The following FRYL variants were observed in gnomAD, a reference collection of about 807,000 sequenced individuals.
The protein encoded by FRYL is protein furry homolog-like.
Under a neutral mutation model 351.2 loss-of-function variants are expected in FRYL, and 150 were observed. The ratio of observed to expected loss-of-function variants is 0.43; its 90% CI spans 0.37 to 0.49. The LOEUF is 0.49. Among genes scored for constraint, FRYL ranks in the 20% least tolerant of loss-of-function variants. The pLI is 0.00. For synonymous variants in FRYL, 1,153 were observed against 1,257.1 expected, an observed-to-expected ratio of 0.92 and a Z score of 1.75; for missense variants, 3,036 against 3,619.3, an observed-to-expected ratio of 0.84 and a Z score of 4.13.
In FRYL at chr4:48,710,707, T is replaced by C. The variant is rs986608290; in HGVS notation, c.-383-9A>G. The C allele has an allele frequency of 2.5e-6, 1 of 397,502 alleles. No individual in the cohort carries two copies. Among genetic ancestry groups the C allele is most frequent in the Admixed American group, 4.4e-5 (1 of 22,710 alleles). The allele number at this position is 397,502 out of a possible 1,614,324, so 24.6% of individuals were successfully genotyped here. Reference sequence around the variant, plus strand: ...ATATGGAATGTTCTAGGCTGGAAGATTAAAAAATAGGAAATATGGTCATCA... The same window carrying C: ...ATATGGAATGTTCTAGGCTGGAAGACTAAAAAATAGGAAATATGGTCATCA... On this transcript the variant is annotated splice_polypyrimidine_tract_variant and intron_variant, in intron 1 of 63. Coordinates refer to ENST00000358350, the MANE Select transcript of FRYL (RefSeq NM_015030.2).
intron 1 of FRYL, among the ~76,000 whole-genome samples, chr4:48,738,589 C>T (rs1397395756): frequency 6.6e-6 from 1 of 151,866 alleles, no homozygotes; most frequent in Non-Finnish European, 1.5e-5. Context: ...CCTCAAGCTA[C>T]TGAGCTCAAG....
intron 3 of FRYL, among the ~76,000 whole-genome samples, chr4:48,657,463 T>A (rs1759483955): frequency 6.6e-6 from 1 of 150,994 alleles, no homozygotes; most frequent in Non-Finnish European, 1.5e-5. Flanking sequence ...TTCAAATGAG[T>A]TTTCTACCCT....
chr4:48,763,997 C>T (rs746141980), intron 1 of FRYL, among the ~76,000 whole-genome samples: 4 of 151,926 alleles, frequency 2.6e-5, no homozygotes, highest in East Asian at 1.9e-4. Context: ...GGTGAAACCC[C>T]GTCTCTACTA....
At chr4:48,526,843 C>CT (rs1234454930) in intron 53 of FRYL, among the ~76,000 whole-genome samples, 2 of 152,100 alleles carry the variant, frequency 1.3e-5, no homozygotes, top group Non-Finnish European at 2.9e-5. Flanking sequence ...AAGAGAAACG[C>CT]TTTGAGTATT....
intron 3 of FRYL, among the ~76,000 whole-genome samples, chr4:48,649,849 T>C (rs1162099248): frequency 6.6e-6 from 1 of 152,178 alleles, no homozygotes; most frequent in Non-Finnish European, 1.5e-5. Context: ...AAAAGTAGCA[T>C]TTAACATTAA....
In FRYL at chr4:48,609,827, G is replaced by A. The variant is rs946201571; in HGVS notation, c.412-4C>T. On this transcript the variant is annotated splice_polypyrimidine_tract_variant and splice_region_variant and intron_variant, in intron 7 of 63. Transcript: ENST00000358350. ...CGGGTACAGGATGAACAGGAATCTA[G>A]AATTTAAAAAAATTATCAAGTAAGA... 1 of 1,539,998 alleles carries A rather than the reference G, an allele frequency of 6.5e-7. No individual in the cohort carries two copies. The highest frequency in any genetic ancestry group is 8.8e-7 in the Non-Finnish European group (1 of 1,130,888).
At chr4:48,543,571 G>A (rs1730693915) in intron 44 of FRYL, among the ~76,000 whole-genome samples, 1 of 152,112 alleles carries the variant, frequency 6.6e-6, no homozygotes, top group Non-Finnish European at 1.5e-5. Flanking sequence ...GGGGTGTTGT[G>A]TGAGTGGGCG....
chr4:48,651,213 CGTGTGTGTGTGTGTGT>C (rs10604700), intron 3 of FRYL, among the ~76,000 whole-genome samples: 43 of 104,962 alleles, frequency 4.1e-4, no homozygotes, highest in Middle Eastern at 5.0e-3. Context: ...CCACATGCAC[CGTGTGTGTGTGTGTGT>C]GTGTGTGTGT....
At position 48,510,152 on chromosome 4, in the gene FRYL, C is replaced by A. The variant is rs201844693; in HGVS notation, c.8301G>T (p.Met2767Ile). 1,072 of 1,610,536 alleles carry A rather than the reference C, an allele frequency of 6.7e-4. 1 individual carries two copies. Among genetic ancestry groups the A allele is most frequent in the Non-Finnish European group, 8.8e-4 (1,033 of 1,176,938 alleles). ...TGAGTGTTTCCAGCAAACCACATGA[C>A]ATCAGCTGTCAAATCAGAAGTATTG... ...PTVFVDAETL[M>I]SCGLLETLKF... The change falls in exon 59 of 64, where the codon ATG becomes ATT. Residue 2767 changes from methionine (M) to isoleucine (I), a missense_variant. Met to Ile is a conservative substitution (Grantham distance 10). Transcript: ENST00000358350.
At chr4:48,559,893 A>G (rs2149045144) in intron 33 of FRYL, among the ~76,000 whole-genome samples, 1 of 152,302 alleles carries the variant, frequency 6.6e-6, no homozygotes, top group African/African-American at 2.4e-5. Flanking sequence ...TTGCTGTGGA[A>G]AGTAGCAAAC....
At chr4:48,626,153 A>G (rs777831179) in intron 4 of FRYL, among the ~76,000 whole-genome samples, 31 of 152,156 alleles carry the variant, frequency 2.0e-4, no homozygotes, top group African/African-American at 7.0e-4. Flanking sequence ...ACATTAAAAT[A>G]ACAATATACC....
At chr4:48,528,882 CTA>C (rs1270035103) in intron 50 of FRYL, among the ~76,000 whole-genome samples, 6 of 152,080 alleles carry the variant, frequency 3.9e-5, no homozygotes, top group Non-Finnish European at 7.4e-5. Context: ...AGTAAAAATT[CTA>C]TGATAATCAA....
chr4:48,652,676 T>TAA (rs1219211452), intron 3 of FRYL, among the ~76,000 whole-genome samples: 1 of 152,202 alleles, frequency 6.6e-6, no homozygotes, highest in African/African-American at 2.4e-5. Flanking sequence ...GACTTTATCT[T>TAA]AAGAGGGTTT....
intron 9 of FRYL, among the ~76,000 whole-genome samples, chr4:48,608,135 C>T (rs1338127600): frequency 6.6e-6 from 1 of 152,016 alleles, no homozygotes; most frequent in Non-Finnish European, 1.5e-5. Context: ...ATACTCAAAC[C>T]ATGTTCTAAG....
chr4:48,501,729 A>G lies in FRYL; in HGVS notation c.8486T>C (p.Leu2829Ser). Reference sequence around the variant, plus strand: ...TTTGTATAATCTTCGGCAGAGCTCCAATTCCTAGAAATAAATAACATTACA... The same window carrying G: ...TTTGTATAATCTTCGGCAGAGCTCCGATTCCTAGAAATAAATAACATTACA... ...DAQQMEILAE[L>S]ELCRRLYKLH... Residue 2829 changes from leucine (L) to serine (S), a missense_variant, in exon 62 of 64, where the codon TTG (leucine) becomes TCG (serine). Coordinates refer to ENST00000358350, the MANE Select transcript of FRYL (RefSeq NM_015030.2). The G allele has an allele frequency of 6.5e-7, 1 of 1,540,464 alleles. No individual in the cohort carries two copies. Among genetic ancestry groups the G allele is most frequent in the South Asian group, 1.1e-5 (1 of 87,784 alleles).
intron 3 of FRYL, among the ~76,000 whole-genome samples, chr4:48,639,486 T>TAAAA (rs60147838): frequency 1.3e-5 from 2 of 149,016 alleles, no homozygotes; most frequent in East Asian, 3.9e-4. Flanking sequence ...ATCCACATGT[T>TAAAA]AAAAAAAAAA....
At chr4:48,611,730 G>A (rs1181312350) in intron 7 of FRYL, among the ~76,000 whole-genome samples, 3 of 151,950 alleles carry the variant, frequency 2.0e-5, no homozygotes, top group African/African-American at 7.3e-5. Flanking sequence ...TGAAGTAACT[G>A]TATTTTTATA....
intron 1 of FRYL, among the ~76,000 whole-genome samples, chr4:48,776,565 C>T (rs1776046847): frequency 6.6e-6 from 1 of 152,162 alleles, no homozygotes; most frequent in Admixed American, 6.5e-5. Context: ...AATATACACA[C>T]AGCCATACTG....
At chr4:48,510,230 T>G (rs1305236939) in intron 58 of FRYL, 73 bp from the exon 59 acceptor site, 3 of 1,098,232 alleles carry the variant, frequency 2.7e-6, no homozygotes, top group Non-Finnish European at 4.2e-6. Flanking sequence ...ATCATGAGAC[T>G]TTTCAGTCAT....
Sources: gnomAD v4.1 joint callset for allele counts (sites outside exome capture counted in the v4.1 genomes callset) on GRCh38, gnomAD v4.1.1 for gene constraint, MANE v1.5 for transcripts, NCBI Gene and HGNC (gene_info 2026-07-23, HGNC 2026-07-21) for gene names.